ATRX: variants seen among roughly 807,000 people sequenced by gnomAD.
ATRX encodes the protein chromatin remodeler ATRX.
ATRX carries 12 observed loss-of-function variants against 172.6 expected under a neutral mutation model. The observed-to-expected ratio is 0.07, with a 90% CI of 0.04 to 0.11. ATRX has a LOEUF of 0.11. ATRX is among the 10% of genes least tolerant of loss of function. The pLI is 1.00. For synonymous variants in ATRX, 674 were observed against 594.7 expected, an observed-to-expected ratio of 1.13 and a Z score of -1.94; for missense variants, 1,368 against 1,767.4, an observed-to-expected ratio of 0.77 and a Z score of 4.05.
intron 27 of ATRX, among the ~76,000 whole-genome samples, chrX:77,578,199 C>A (rs782812907): frequency 9.0e-6 from 1 of 111,403 alleles, no homozygotes; most frequent in Non-Finnish European, 1.9e-5. Flanking sequence ...TGCACTGGGG[C>A]CCTAAATAAA....
chrX:77,531,313 T>C (rs2063567605), intron 30 of ATRX, among the ~76,000 whole-genome samples: 2 of 111,233 alleles, frequency 1.8e-5, no homozygotes, highest in Admixed American at 1.9e-4. Flanking sequence ...CTGGCAGAGA[T>C]ACAACAAAAA....
intron 30 of ATRX, among the ~76,000 whole-genome samples, chrX:77,542,948 C>T (rs781954609): frequency 2.2e-4 from 24 of 111,619 alleles, no homozygotes; most frequent in African/African-American, 7.5e-4. Context: ...CAACAAAAGC[C>T]AAAATTGATA....
intron 19 of ATRX, among the ~76,000 whole-genome samples, chrX:77,625,389 T>C (rs1229705374): frequency 8.9e-6 from 1 of 111,970 alleles, no homozygotes; most frequent in Non-Finnish European, 1.9e-5. Flanking sequence ...CAAAGATAAA[T>C]AGCCGGGACC....
intron 28 of ATRX, among the ~76,000 whole-genome samples, chrX:77,572,607 G>A (rs1350081356): frequency 4.5e-5 from 5 of 111,128 alleles, no homozygotes; most frequent in African/African-American, 6.5e-5. Flanking sequence ...TGCCTCTGTC[G>A]TATTTTAAAA....
rs147169853 is a variant in ATRX at position 77,557,520 on chromosome X, A to G, written c.6630T>C (p.Phe2210=). The change falls in exon 30 of 35, where the codon TTT becomes TTC. Residue 2210 remains phenylalanine, a synonymous_variant. Coordinates refer to ENST00000373344, the MANE Select transcript of ATRX (RefSeq NM_000489.6). ...TAGGGTCATCTAATAAGTCTGGCTC[A>G]AAAGTATAAAGTTCAGTAAGCTCAT... The part of the protein sequence containing the change: ...TMNELTELYT[F]EPDLLDDPNS... 4.1e-6 allele frequency: 5 copies of G among 1,208,702 alleles called. No homozygotes were observed. The African/African-American group carries it at 8.8e-5, about 21-fold the overall frequency.
intron 22 of ATRX, among the ~76,000 whole-genome samples, chrX:77,611,886 A>G (rs1488000691): frequency 9.0e-6 from 1 of 111,676 alleles, no homozygotes; most frequent in African/African-American, 3.2e-5. Flanking sequence ...GCCCATTAAT[A>G]TGTACAATTA....
chrX:77,696,828 C>T, intron 4 of ATRX, 124 bp from the exon 5 acceptor site: 1 of 691,306 alleles, frequency 1.4e-6, no homozygotes, highest in Non-Finnish European at 2.2e-6. Context: ...TCAGAATCAC[C>T]TAGGGAAGCA....
intron 1 of ATRX, among the ~76,000 whole-genome samples, chrX:77,720,641 C>G (rs782389320): frequency 4.1e-4 from 46 of 111,591 alleles, no homozygotes; most frequent in Non-Finnish European, 8.1e-4. Flanking sequence ...AGTCGAATCC[C>G]TGAATAAACC....
intron 1 of ATRX, among the ~76,000 whole-genome samples, chrX:77,718,423 G>C (rs2073562197): frequency 9.6e-6 from 1 of 104,412 alleles, no homozygotes; most frequent in Non-Finnish European, 2.0e-5. Flanking sequence ...ACCCAGGCTG[G>C]AGTGCAGTGG....
At chrX:77,540,096 G>T (rs1557050136) in intron 30 of ATRX, among the ~76,000 whole-genome samples, 1 of 111,278 alleles carries the variant, frequency 9.0e-6, no homozygotes, top group East Asian at 2.8e-4. Context: ...ACACTCATAG[G>T]CTCAAAACAA....
At chrX:77,558,636 C>T (rs782374219) in intron 29 of ATRX, 33 bp downstream of exon 29, 5 of 1,112,187 alleles carry the variant, frequency 4.5e-6, no homozygotes, top group Non-Finnish European at 6.2e-6. Flanking sequence ...TTCACATAAA[C>T]TTTCAATATG....
intron 19 of ATRX, among the ~76,000 whole-genome samples, chrX:77,626,921 T>A (rs782267519): frequency 8.9e-6 from 1 of 112,027 alleles, no homozygotes; most frequent in Admixed American, 9.4e-5. Flanking sequence ...TCTGAAGAAC[T>A]AGAAGAATTA....
chrX:77,596,722 T>A (rs1274694853), intron 25 of ATRX: 1 of 110,847 alleles, frequency 9.0e-6, no homozygotes, highest in Non-Finnish European at 1.9e-5. Flanking sequence ...ACGTTAATGC[T>A]TATATAGCAT....
intron 1 of ATRX, among the ~76,000 whole-genome samples, chrX:77,773,092 TAAAAAAAAAAA>T (rs782649057): frequency 3.2e-4 from 12 of 37,358 alleles, no homozygotes; most frequent in South Asian, 3.1e-3. Flanking sequence ...AAATTTCAGC[TAAAAAAAAAAA>T]AAAAAAAAAA....
chrX:77,556,660 A>T, intron 30 of ATRX, among the ~76,000 whole-genome samples: 1 of 111,889 alleles, frequency 8.9e-6, no homozygotes, highest in Non-Finnish European at 1.9e-5. Context: ...ATATCACACA[A>T]TATTACTGAC....
At chrX:77,760,482 A>AG (rs2075677463) in intron 1 of ATRX, among the ~76,000 whole-genome samples, 1 of 10,405 alleles carries the variant, frequency 9.6e-5, no homozygotes, top group Non-Finnish European at 1.7e-4. Flanking sequence ...GGGAGGGGGG[A>AG]GGGGGGAGGG....
At chrX:77,679,389 G>A (rs1557135616) in intron 9 of ATRX, among the ~76,000 whole-genome samples, 1 of 111,272 alleles carries the variant, frequency 9.0e-6, no homozygotes, top group African/African-American at 3.3e-5. Flanking sequence ...CTGAGAAAAA[G>A]TTTACTCCCC....
intron 30 of ATRX, among the ~76,000 whole-genome samples, chrX:77,554,162 G>T (rs1557057754): frequency 9.0e-6 from 1 of 110,604 alleles, no homozygotes; most frequent in African/African-American, 3.3e-5. Flanking sequence ...AAAATTAGCT[G>T]GGTGTGGTGG....
chrX:77,520,696 GA>G (rs1409521073), intron 34 of ATRX, 91 bp downstream of exon 34: 6 of 958,826 alleles, frequency 6.3e-6, no homozygotes, highest in Non-Finnish European at 8.6e-6. Context: ...TCCATAGTAG[GA>G]ATAATTACTG....
Sources: allele counts gnomAD v4.1 joint callset (sites outside exome capture counted in the v4.1 genomes callset), GRCh38; gene constraint gnomAD v4.1.1; transcripts MANE v1.5; gene names NCBI Gene and HGNC (gene_info 2026-07-23, HGNC 2026-07-21).